Variants in RIMS2 observed in about 807,000 individuals in gnomAD.
The protein encoded by RIMS2 is regulating synaptic membrane exocytosis protein 2.
A neutral mutation model predicts 174.4 loss-of-function variants in RIMS2; 59 were observed. That is an observed-to-expected ratio of 0.34 (90% CI 0.27 to 0.42). The LOEUF is 0.42. RIMS2 is among the 10% of genes least tolerant of loss of function. RIMS2 has a pLI of 1.00. For missense variants in RIMS2, 1,620 were observed against 1,666.3 expected, an observed-to-expected ratio of 0.97 and a Z score of 0.48; for synonymous variants, 606 against 572.5, an observed-to-expected ratio of 1.06 and a Z score of -0.84.
chr8:104,072,325 A>G (rs1166044688), intron 19 of RIMS2, among the ~76,000 whole-genome samples: 3 of 152,068 alleles, frequency 2.0e-5, no homozygotes, highest in South Asian at 2.1e-4. Context: ...TTATATTTAC[A>G]TTCTTTACTT....
intron 19 of RIMS2, among the ~76,000 whole-genome samples, chr8:104,044,619 T>A (rs919687634): frequency 4.0e-5 from 6 of 151,508 alleles, no homozygotes; most frequent in Admixed American, 3.9e-4. Flanking sequence ...AAGTTCTAAA[T>A]TAATTATCAT....
intron 19 of RIMS2, among the ~76,000 whole-genome samples, chr8:104,029,367 G>T (rs2154556056): frequency 6.6e-6 from 1 of 152,236 alleles, no homozygotes; most frequent in South Asian, 2.1e-4. Context: ...ACATGCAGTT[G>T]CTCTGGTTCA....
intron 3 of RIMS2, among the ~76,000 whole-genome samples, chr8:103,793,673 T>A (rs558090799): frequency 3.5e-4 from 54 of 152,248 alleles, no homozygotes; most frequent in Non-Finnish European, 6.3e-4. Flanking sequence ...ATTGTATACA[T>A]AGAAAAACCC....
intron 3 of RIMS2, among the ~76,000 whole-genome samples, chr8:103,882,063 G>A (rs987788412): frequency 1.3e-5 from 2 of 151,320 alleles, no homozygotes; most frequent in Non-Finnish European, 3.0e-5. Context: ...AATCCTAGAC[G>A]AATCGTTCCT....
intron 1 of RIMS2, among the ~76,000 whole-genome samples, chr8:103,645,315 A>G (rs2096305003): frequency 6.6e-6 from 1 of 152,122 alleles, no homozygotes; most frequent in Non-Finnish European, 1.5e-5. Context: ...TCTGAATTTT[A>G]TAAAGAGAAT....
At chr8:104,050,751 T>A (rs545778739) in intron 19 of RIMS2, among the ~76,000 whole-genome samples, 1 of 152,304 alleles carries the variant, frequency 6.6e-6, no homozygotes, top group East Asian at 1.9e-4. Context: ...ATTTGTTAAA[T>A]TTTCTGAGTT....
intron 19 of RIMS2, among the ~76,000 whole-genome samples, chr8:104,102,818 C>T (rs2097930968): frequency 6.6e-6 from 1 of 152,124 alleles, no homozygotes. Context: ...CAATTACCTC[C>T]CACCCAATCC....
intron 19 of RIMS2, among the ~76,000 whole-genome samples, chr8:104,017,863 C>T (rs2095967193): frequency 6.6e-6 from 1 of 152,048 alleles, no homozygotes; most frequent in African/African-American, 2.4e-5. Flanking sequence ...ATTGCTTGAG[C>T]TCGGGAGTTC....
chr8:104,063,805 C>T (rs961486788), intron 19 of RIMS2, among the ~76,000 whole-genome samples: 3 of 152,158 alleles, frequency 2.0e-5, no homozygotes, highest in African/African-American at 7.2e-5. Flanking sequence ...ACTGCTAAAC[C>T]TGTGCCCCTA....
chr8:103,570,867 AG>A (rs1376721655), intron 1 of RIMS2, among the ~76,000 whole-genome samples: 2 of 152,182 alleles, frequency 1.3e-5, no homozygotes, highest in Non-Finnish European at 2.9e-5. Context: ...TGCAATTAAA[AG>A]TAATTGCAAA....
intron 3 of RIMS2, among the ~76,000 whole-genome samples, chr8:103,779,558 G>A (rs972577027): frequency 2.6e-5 from 4 of 151,612 alleles, no homozygotes; most frequent in African/African-American, 9.7e-5. Flanking sequence ...GTTGGCTATC[G>A]AATACTATGC....
At chr8:103,825,580 G>A (rs1369021427) in intron 3 of RIMS2, among the ~76,000 whole-genome samples, 3 of 151,582 alleles carry the variant, frequency 2.0e-5, no homozygotes, top group Non-Finnish European at 4.4e-5. Flanking sequence ...CACTGCTCCC[G>A]GCCTACTCAA....
At chr8:103,503,653 T>C (rs1821767652) in intron 1 of RIMS2, among the ~76,000 whole-genome samples, 1 of 152,026 alleles carries the variant, frequency 6.6e-6, no homozygotes, top group South Asian at 2.1e-4. Context: ...ATACATTTGA[T>C]GTGTGAAGAT....
intron 19 of RIMS2, among the ~76,000 whole-genome samples, chr8:104,160,359 A>C (rs1393818938): frequency 6.6e-6 from 1 of 152,214 alleles, no homozygotes; most frequent in Non-Finnish European, 1.5e-5. Flanking sequence ...ATGAATAACA[A>C]TTTAATCTCT....
At chr8:103,798,779 GAACCCCTGGAT>G (rs2098577930) in intron 3 of RIMS2, among the ~76,000 whole-genome samples, 1 of 152,068 alleles carries the variant, frequency 6.6e-6, no homozygotes, top group African/African-American at 2.4e-5. Context: ...CTGATCCCTG[GAACCCCTGGAT>G]GTTACCTTAC....
At chr8:103,748,921 C>T (rs1432452516) in intron 2 of RIMS2, among the ~76,000 whole-genome samples, 1 of 151,984 alleles carries the variant, frequency 6.6e-6, no homozygotes, top group Non-Finnish European at 1.5e-5. Context: ...CTGCCTCAGC[C>T]TCCTGAGTAG....
intron 19 of RIMS2, among the ~76,000 whole-genome samples, chr8:104,216,327 GC>G (rs1411602785): frequency 6.6e-6 from 1 of 152,178 alleles, no homozygotes; most frequent in South Asian, 2.1e-4. Flanking sequence ...ATCGAGACCA[GC>G]CTGGGCAACA....
intron 19 of RIMS2, among the ~76,000 whole-genome samples, chr8:104,045,674 AATT>A (rs1275846980): frequency 1.3e-5 from 2 of 151,824 alleles, no homozygotes; most frequent in Non-Finnish European, 1.5e-5. Flanking sequence ...CTCTTAGATC[AATT>A]ATTATTATTG....
Position 104,228,320 on chromosome 8 carries a change from G to A in RIMS2, c.3335-16596G>A, listed in dbSNP as rs566832553. Among the ~76,000 whole-genome samples, 10 of 152,214 alleles carry A rather than the reference G, an allele frequency of 6.6e-5. No homozygotes were observed. The South Asian group carries it at 1.0e-3, about 16-fold the overall frequency. On this transcript the variant is annotated intron_variant, in intron 19 of 23. Transcript: ENST00000504942. ...TGAGATTACAGGCATGAGCCACCGT[G>A]CCCGGCCTAGCTTCACTCTTTAAGA...
Sources: gnomAD v4.1 joint callset for allele counts (sites outside exome capture counted in the v4.1 genomes callset) on GRCh38, gnomAD v4.1.1 for gene constraint, MANE v1.5 for transcripts, NCBI Gene and HGNC (gene_info 2026-07-23, HGNC 2026-07-21) for gene names.